The following FAM13C variants were observed in gnomAD, a reference collection of about 807,000 sequenced individuals.
FAM13C encodes family with sequence similarity 13 member C.
Under a neutral mutation model 73.2 loss-of-function variants are expected in FAM13C, and 37 were observed. The observed-to-expected ratio is 0.51, with a 90% CI of 0.39 to 0.67. FAM13C has a LOEUF of 0.67. FAM13C is among the 30% of genes least tolerant of loss of function. The pLI, the probability that FAM13C is intolerant of heterozygous loss-of-function variation, is 0.00. For synonymous variants in FAM13C, 246 were observed against 260.9 expected, an observed-to-expected ratio of 0.94 and a Z score of 0.55; for missense variants, 589 against 715.6, an observed-to-expected ratio of 0.82 and a Z score of 2.02.
chr10:59,290,103 T>G (rs1291833425), intron 5 of FAM13C, among the ~76,000 whole-genome samples: 1 of 152,204 alleles, frequency 6.6e-6, no homozygotes, highest in Non-Finnish European at 1.5e-5. Flanking sequence ...AGCTAATTTT[T>G]CCCATTTACA....
intron 12 of FAM13C, among the ~76,000 whole-genome samples, chr10:59,252,042 A>T (rs1485565530): frequency 6.6e-6 from 1 of 152,188 alleles, no homozygotes; most frequent in Non-Finnish European, 1.5e-5. Flanking sequence ...GATACAGAGG[A>T]GCAGCTTTTA....
chr10:59,305,638 T>A (rs1391389241), intron 4 of FAM13C, among the ~76,000 whole-genome samples: 1 of 151,730 alleles, frequency 6.6e-6, no homozygotes, highest in Non-Finnish European at 1.5e-5. Context: ...ATTTTTTTTT[T>A]ACTCTACAAG....
intron 4 of FAM13C, among the ~76,000 whole-genome samples, chr10:59,308,243 A>C (rs1848476364): frequency 6.6e-6 from 1 of 151,970 alleles, no homozygotes; most frequent in African/African-American, 2.4e-5. Flanking sequence ...TGCAGCCTGC[A>C]CTCCTCAGAG....
chr10:59,315,268 T>C (rs1383383043), intron 4 of FAM13C, among the ~76,000 whole-genome samples: 1 of 152,212 alleles, frequency 6.6e-6, no homozygotes, highest in Non-Finnish European at 1.5e-5. Context: ...CACTAAAATA[T>C]GGATTTCTGT....
chr10:59,335,187 C>G lies in FAM13C; in HGVS notation c.325-11081G>C, dbSNP rs150537513. On this transcript the variant is annotated intron_variant, in intron 3 of 13. Coordinates refer to ENST00000618804, the MANE Select transcript of FAM13C (RefSeq NM_198215.4). Reference sequence around the variant, plus strand: ...AGTCTTTAATCAGACTCTTCAGCCACAAGTAGAATATATTCCCCCAGAGGT... The same window carrying G: ...AGTCTTTAATCAGACTCTTCAGCCAGAAGTAGAATATATTCCCCCAGAGGT... 2.3e-3 allele frequency among the ~76,000 whole-genome samples: 351 copies of G among 152,266 alleles called. 1 individual carries two copies. The highest frequency in any genetic ancestry group is 8.0e-3 in the African/African-American group (334 of 41,550).
intron 1 of FAM13C, among the ~76,000 whole-genome samples, chr10:59,356,180 T>C (rs1855691670): frequency 6.6e-6 from 1 of 152,174 alleles, no homozygotes; most frequent in Non-Finnish European, 1.5e-5. Context: ...GCCTCCACTG[T>C]CCTGTGTCAC....
intron 6 of FAM13C, among the ~76,000 whole-genome samples, chr10:59,272,261 C>A (rs548609354): frequency 1.3e-5 from 2 of 152,302 alleles, no homozygotes; most frequent in East Asian, 3.9e-4. Flanking sequence ...CCAGAAAGAT[C>A]CCAAAGCAAC....
chr10:59,352,602 C>G (rs1855212845), intron 2 of FAM13C, 128 bp from the exon 3 acceptor site: 1 of 929,206 alleles, frequency 1.1e-6, no homozygotes, highest in Admixed American at 3.0e-5. Flanking sequence ...AATTTTTAGC[C>G]TACACTTAGA....
intron 13 of FAM13C, among the ~76,000 whole-genome samples, chr10:59,250,649 G>A (rs1411360000): frequency 6.6e-6 from 1 of 152,154 alleles, no homozygotes; most frequent in African/African-American, 2.4e-5. Context: ...CTGCTGAACT[G>A]AAAAGTCAAA....
chr10:59,310,477 C>G (rs1170161290), intron 4 of FAM13C, among the ~76,000 whole-genome samples: 2 of 152,010 alleles, frequency 1.3e-5, no homozygotes, highest in Non-Finnish European at 2.9e-5. Flanking sequence ...TCTAGAGAGT[C>G]GAAGCCACAT....
At chr10:59,265,338 T>C (rs1238903250) in intron 8 of FAM13C, among the ~76,000 whole-genome samples, 3 of 28,352 alleles carry the variant, frequency 1.1e-4, no homozygotes, top group Admixed American at 6.9e-4. Context: ...GGGGGGGGAA[T>C]CCTGGTTTCA....
At chr10:59,271,135 C>G (rs769917666) in intron 6 of FAM13C, among the ~76,000 whole-genome samples, 1 of 152,204 alleles carries the variant, frequency 6.6e-6, no homozygotes, top group African/African-American at 2.4e-5. Flanking sequence ...CTCAAGTTTG[C>G]TCAACAGACA....
rs1840696172 is a variant in FAM13C at position 59,246,235 on chromosome 10, A to C, written c.*1379T>G. On this transcript the variant is annotated 3_prime_UTR_variant, in exon 14 of 14. Transcript: ENST00000618804. ...ATAGCAACTGTGTACATGTCACGAA[A>C]CCATTTCCCTTATCAAAGATGTAAT... 1 of 155,362 alleles carries C rather than the reference A, an allele frequency of 6.4e-6. No individual in the cohort carries two copies. The highest frequency in any genetic ancestry group is 2.4e-5 in the African/African-American group (1 of 41,600). The allele number at this position is 155,362 out of a possible 1,614,324, so 9.6% of individuals were successfully genotyped here.
intron 5 of FAM13C, among the ~76,000 whole-genome samples, chr10:59,295,904 A>G (rs924041948): frequency 6.6e-6 from 1 of 152,204 alleles, no homozygotes; most frequent in Admixed American, 6.5e-5. Flanking sequence ...GTTTTCTGCT[A>G]TATGTCAATA....
At chr10:59,286,163 CA>C (rs1161872370) in intron 5 of FAM13C, among the ~76,000 whole-genome samples, 3 of 152,104 alleles carry the variant, frequency 2.0e-5, no homozygotes, top group Non-Finnish European at 2.9e-5. Context: ...TGAAATAAAC[CA>C]ATCACAAAAG....
chr10:59,286,891 G>A (rs1333802840), intron 5 of FAM13C, among the ~76,000 whole-genome samples: 3 of 151,356 alleles, frequency 2.0e-5, no homozygotes, highest in African/African-American at 7.3e-5. Context: ...AAAATTAACC[G>A]GGTGTGGTGG....
intron 3 of FAM13C, among the ~76,000 whole-genome samples, chr10:59,335,277 T>C (rs575199031): frequency 1.3e-5 from 2 of 152,216 alleles, no homozygotes; most frequent in African/African-American, 2.4e-5. Flanking sequence ...TCAGACTGAA[T>C]TGAATATTCT....
In FAM13C at chr10:59,274,980, T is replaced by C. The variant is rs1371110669; in HGVS notation, c.593-4871A>G. Among the ~76,000 whole-genome samples the C allele has an allele frequency of 2.6e-5, 4 of 152,212 alleles. No homozygotes were observed. The South Asian group carries it at 8.3e-4, about 32-fold the overall frequency. On this transcript the variant is annotated intron_variant, in intron 6 of 13. Coordinates refer to ENST00000618804, the MANE Select transcript of FAM13C (RefSeq NM_198215.4). ...GCTGGGTGCTGGATGCTTATCATTTTTCAGCCTACTTGACTCTCCAGGTCT... is the reference window on the plus strand; with the variant it reads ...GCTGGGTGCTGGATGCTTATCATTTCTCAGCCTACTTGACTCTCCAGGTCT...
intron 9 of FAM13C, 93 bp from the exon 10 acceptor site, chr10:59,262,738 A>C: frequency 9.6e-7 from 1 of 1,042,454 alleles, no homozygotes. Flanking sequence ...CTGATGCCAA[A>C]TCTGTAGAAA....
Sources: gnomAD v4.1 joint callset for allele counts (sites outside exome capture counted in the v4.1 genomes callset) on GRCh38, gnomAD v4.1.1 for gene constraint, MANE v1.5 for transcripts, NCBI Gene and HGNC (gene_info 2026-07-23, HGNC 2026-07-21) for gene names.